CNBD1: variants seen among roughly 807,000 people sequenced by gnomAD.
The protein encoded by CNBD1 is cyclic nucleotide-binding domain-containing protein 1.
CNBD1 carries 71 observed loss-of-function variants against 54.4 expected under a neutral mutation model. That is an observed-to-expected ratio of 1.30 (90% CI 1.08 to 1.59). The LOEUF (loss-of-function observed/expected upper bound fraction) is 1.59. CNBD1 is among the 40% of genes most tolerant of loss of function. The pLI, the probability that CNBD1 is intolerant of heterozygous loss-of-function variation, is 0.00. For missense variants in CNBD1, 659 were observed against 518.0 expected, an observed-to-expected ratio of 1.27 and a Z score of -2.64; for synonymous variants, 182 against 170.7, an observed-to-expected ratio of 1.07 and a Z score of -0.51.
At chr8:87,424,007 G>A (rs1473709663) in intron 2 of CNBD1, among the ~76,000 whole-genome samples, 2 of 152,218 alleles carry the variant, frequency 1.3e-5, no homozygotes, top group East Asian at 3.8e-4. Flanking sequence ...AGTCTTGGGA[G>A]AGTGTATGTG....
chr8:87,410,827 T>C (rs770432322), intron 2 of CNBD1, among the ~76,000 whole-genome samples: 24 of 152,208 alleles, frequency 1.6e-4, no homozygotes, highest in Middle Eastern at 3.4e-3. Context: ...CCCCAACTAT[T>C]AGCAACTACC....
chr8:87,347,385 G>A (rs1295729049), intron 8 of CNBD1, among the ~76,000 whole-genome samples: 1 of 152,128 alleles, frequency 6.6e-6, no homozygotes, highest in Non-Finnish European at 1.5e-5. Context: ...CCTATATGTA[G>A]ATACATAAGT....
intron 4 of CNBD1, among the ~76,000 whole-genome samples, chr8:87,190,880 CATGT>C (rs1813591016): frequency 7.4e-6 from 1 of 134,510 alleles, no homozygotes; most frequent in Non-Finnish European, 1.5e-5. Flanking sequence ...GATATAGATA[CATGT>C]ACGTATATCT....
intron 1 of CNBD1, among the ~76,000 whole-genome samples, chr8:86,880,184 A>G (rs1187943963): frequency 2.0e-5 from 3 of 151,680 alleles, no homozygotes; most frequent in Non-Finnish European, 2.9e-5. Context: ...GAATAATACT[A>G]CTTCACAATG....
At chr8:86,918,799 T>TAA (rs67260396) in intron 3 of CNBD1, among the ~76,000 whole-genome samples, 3 of 137,748 alleles carry the variant, frequency 2.2e-5, no homozygotes, top group East Asian at 2.1e-4. Context: ...TATCTTTCTT[T>TAA]AAAAAAAAAA....
chr8:87,277,307 G>A (rs1343556837), intron 6 of CNBD1, among the ~76,000 whole-genome samples: 1 of 151,562 alleles, frequency 6.6e-6, no homozygotes, highest in African/African-American at 2.4e-5. Flanking sequence ...ATGCTATACA[G>A]GCCTTTAACT....
chr8:86,941,946 C>T (rs577727120), intron 4 of CNBD1, among the ~76,000 whole-genome samples: 113 of 152,260 alleles, frequency 7.4e-4, no homozygotes, highest in Middle Eastern at 3.4e-3. Context: ...ATGTACTATA[C>T]GTCCCCCCTT....
chr8:87,319,376 C>T (rs532478898), intron 8 of CNBD1, among the ~76,000 whole-genome samples: 1 of 152,162 alleles, frequency 6.6e-6, no homozygotes, highest in East Asian at 1.9e-4. Context: ...AAATGCCTTG[C>T]CTATAGCAGT....
chr8:87,396,467 G>A (rs944039522), intron 2 of CNBD1, among the ~76,000 whole-genome samples: 1 of 151,828 alleles, frequency 6.6e-6, no homozygotes, highest in African/African-American at 2.4e-5. Flanking sequence ...ATAATACTAT[G>A]TATGCCTGTG....
chr8:87,234,023 C>T (rs1157630090), intron 5 of CNBD1, among the ~76,000 whole-genome samples: 2 of 152,154 alleles, frequency 1.3e-5, no homozygotes, highest in East Asian at 3.9e-4. Context: ...TCTAAAGAAA[C>T]CACTTTCTTT....
rs377170988 is a variant in CNBD1 at position 87,107,095 on chromosome 8, C to T, written c.432-98898C>T. ...CACCTGCCTCGGCCTCCCAAAGTGC[C>T]GGGATTACAGACGTGAGCCACCGCA... On this transcript the variant is annotated intron_variant, in intron 4 of 10. Coordinates refer to ENST00000518476, the MANE Select transcript of CNBD1 (RefSeq NM_173538.3). Among the ~76,000 whole-genome samples the T allele has an allele frequency of 1.3e-4, 20 of 152,002 alleles. No homozygotes were observed. The Middle Eastern group carries it at 0.017, about 129-fold the overall frequency.
intron 4 of CNBD1, among the ~76,000 whole-genome samples, chr8:87,057,324 G>T (rs1322921925): frequency 6.6e-6 from 1 of 152,138 alleles, no homozygotes; most frequent in East Asian, 1.9e-4. Flanking sequence ...CAGAATGAAG[G>T]TGGGAAAGGC....
intron 4 of CNBD1, among the ~76,000 whole-genome samples, chr8:87,157,235 T>C (rs1206390549): frequency 6.6e-6 from 1 of 152,214 alleles, no homozygotes; most frequent in Non-Finnish European, 1.5e-5. Flanking sequence ...TCTTTTATAA[T>C]CTACTTTTTT....
At chr8:87,027,747 A>G (rs992564060) in intron 4 of CNBD1, among the ~76,000 whole-genome samples, 14 of 152,226 alleles carry the variant, frequency 9.2e-5, no homozygotes, top group Admixed American at 3.9e-4. Context: ...TTCAACAGCA[A>G]TCTCCAGATT....
intron 8 of CNBD1, among the ~76,000 whole-genome samples, chr8:87,333,362 T>A (rs542892156): frequency 6.6e-6 from 1 of 152,264 alleles, no homozygotes; most frequent in Admixed American, 6.5e-5. Flanking sequence ...TGAATATCCT[T>A]TATTTCTTTC....
At chr8:87,195,624 A>G (rs952360071) in intron 4 of CNBD1, among the ~76,000 whole-genome samples, 4 of 149,994 alleles carry the variant, frequency 2.7e-5, no homozygotes, top group Non-Finnish European at 5.9e-5. Flanking sequence ...CCCAGGCTAG[A>G]GTGCAATGGT....
intron 1 of CNBD1, among the ~76,000 whole-genome samples, chr8:86,871,011 C>A (rs753966756): frequency 6.6e-6 from 1 of 151,760 alleles, no homozygotes; most frequent in Non-Finnish European, 1.5e-5. Flanking sequence ...ATTTTTAATC[C>A]CAAGGAGAAA....
At chr8:86,973,777 C>A (rs1242900444) in intron 4 of CNBD1, among the ~76,000 whole-genome samples, 1 of 152,048 alleles carries the variant, frequency 6.6e-6, no homozygotes, top group Non-Finnish European at 1.5e-5. Flanking sequence ...TCTGAGAGCA[C>A]TATTGACTCT....
intron 8 of CNBD1, among the ~76,000 whole-genome samples, chr8:87,317,503 G>T (rs989511641): frequency 6.6e-6 from 1 of 151,140 alleles, no homozygotes; most frequent in African/African-American, 2.4e-5. Flanking sequence ...AAAATATTTA[G>T]TTACCATTTT....
Sources: gnomAD v4.1 joint callset for allele counts (sites outside exome capture counted in the v4.1 genomes callset) on GRCh38, gnomAD v4.1.1 for gene constraint, MANE v1.5 for transcripts, NCBI Gene and HGNC (gene_info 2026-07-23, HGNC 2026-07-21) for gene names.